Variants in ZBTB8B observed in about 807,000 individuals in gnomAD.
The protein encoded by ZBTB8B is zinc finger and BTB domain containing 8B.
Under a neutral mutation model 30.3 loss-of-function variants are expected in ZBTB8B, and 17 were observed. The ratio of observed to expected loss-of-function variants is 0.56; its 90% CI spans 0.38 to 0.84. ZBTB8B has a LOEUF of 0.84. ZBTB8B is among the 40% of genes least tolerant of loss of function. ZBTB8B has a pLI of 0.00. For missense variants in ZBTB8B, 515 were observed against 644.9 expected, an observed-to-expected ratio of 0.80 and a Z score of 2.18; for synonymous variants, 248 against 255.6, an observed-to-expected ratio of 0.97 and a Z score of 0.28.
Position 32,475,121 on chromosome 1 carries a change from G to A in ZBTB8B, c.991+3506G>A, listed in dbSNP as rs369184005. 6.6e-5 allele frequency among the ~76,000 whole-genome samples: 10 copies of A among 152,190 alleles called. 1 individual carries two copies. The highest frequency in any genetic ancestry group is 6.5e-4 in the Admixed American group (10 of 15,268). ...TACCATGTTTTTATTTCATTCATACGGCTCCAGGGTATAGTTTTTCCAAGT... is the reference window on the plus strand; with the variant it reads ...TACCATGTTTTTATTTCATTCATACAGCTCCAGGGTATAGTTTTTCCAAGT... On this transcript the variant is annotated intron_variant, in intron 2 of 3. Coordinates refer to ENST00000609129, the MANE Select transcript of ZBTB8B (RefSeq NM_001145720.2).
In ZBTB8B at chr1:32,483,246, A is replaced by C. The variant is rs1490232848; in HGVS notation, c.1171-1855A>C. 2.1e-3 allele frequency among the ~76,000 whole-genome samples: 167 copies of C among 80,676 alleles called. 28 individuals are homozygous for C. The highest frequency in any genetic ancestry group is 4.8e-3 in the South Asian group (11 of 2,278). 52.9% of individuals were successfully genotyped at this position (80,676 alleles called of 152,430 possible). The stretch of plus-strand genomic sequence containing the variant: ...AAACCCCTTATCTACTAAAAATCCA[A>C]AAAAAAAAAAAAAAAAAAAAAAAAA... On this transcript the variant is annotated intron_variant, in intron 3 of 3. Coordinates refer to ENST00000609129, the MANE Select transcript of ZBTB8B (RefSeq NM_001145720.2).
In ZBTB8B at chr1:32,493,122, T is replaced by A. The variant is rs1643790379; in HGVS notation, c.*7704T>A. On this transcript the variant is annotated 3_prime_UTR_variant, in exon 4 of 4. Coordinates refer to ENST00000609129, the MANE Select transcript of ZBTB8B (RefSeq NM_001145720.2). Reference sequence around the variant, plus strand: ...TACATAGAATATCAGAATGTTGTAGTCTTTAGGAAATATGCATCAGGTTTG... The same window carrying A: ...TACATAGAATATCAGAATGTTGTAGACTTTAGGAAATATGCATCAGGTTTG... 1 of 152,144 alleles carries A rather than the reference T, an allele frequency of 6.6e-6. No individual in the cohort carries two copies. Among genetic ancestry groups the A allele is most frequent in the Non-Finnish European group, 1.5e-5 (1 of 68,028 alleles). The allele number at this position is 152,144 out of a possible 1,614,324, so 9.4% of individuals were successfully genotyped here.
chr1:32,468,712 T>G (rs1443681271), intron 1 of ZBTB8B, among the ~76,000 whole-genome samples: 1 of 151,996 alleles, frequency 6.6e-6, no homozygotes. Flanking sequence ...ATACAAAAAA[T>G]TAGCTGGGTG....
intron 2 of ZBTB8B, among the ~76,000 whole-genome samples, chr1:32,473,712 G>A (rs1643641164): frequency 6.6e-6 from 1 of 151,882 alleles, no homozygotes; most frequent in African/African-American, 2.4e-5. Context: ...ATAGAGACAA[G>A]GTCTCCCTAT....
At position 32,485,182 on chromosome 1, in the gene ZBTB8B, T is replaced by C; in HGVS notation, c.1252T>C (p.Phe418Leu). The C allele has an allele frequency of 6.4e-7, 1 of 1,552,004 alleles. No individual in the cohort carries two copies. Among genetic ancestry groups the C allele is most frequent in the Non-Finnish European group, 8.7e-7 (1 of 1,147,064 alleles). The change falls in exon 4 of 4, where the codon TTC becomes CTC. Residue 418 changes from phenylalanine (F) to leucine (L), a missense_variant. Phe to Leu is a conservative substitution (Grantham distance 22, BLOSUM62 0). Around this residue, in one of 3 missense-constraint regions of ZBTB8B, gnomAD observed 429 missense variants for 504.3 expected, o/e 0.85. Transcript: ENST00000609129. ...TCACCTGTCCCAGGGGCTGCGGCGC[T>C]TCGGGCTGTGTGACAGCTGCACCTG... ...TSHLSQGLRR[F>L]GLCDSCTCVT... is the part of the protein sequence containing the mutation.
chr1:32,480,106 G>A (rs563280845), intron 2 of ZBTB8B, among the ~76,000 whole-genome samples: 1 of 152,292 alleles, frequency 6.6e-6, no homozygotes, highest in African/African-American at 2.4e-5. Context: ...GTCAGCTCAG[G>A]CTGCCACAAC....
Position 32,485,287 on chromosome 1 carries a change from G to A in ZBTB8B, c.1357G>A (p.Glu453Lys), listed in dbSNP as rs1643736629. ...SLVEASSESQ[E>K]KSDTDNDWPI... ...GGTGGAGGCTTCATCTGAAAGCCAA[G>A]AAAAGAGCGACACAGACAATGACTG... is the stretch of plus-strand genomic sequence containing the variant. The change falls in exon 4 of 4, where the codon GAA becomes AAA. Residue 453 changes from glutamate to lysine, a missense_variant. Coordinates refer to ENST00000609129, the MANE Select transcript of ZBTB8B (RefSeq NM_001145720.2). 3 of 1,552,222 alleles carry A rather than the reference G, an allele frequency of 1.9e-6. No individual in the cohort carries two copies. The highest frequency in any genetic ancestry group is 2.6e-6 in the Non-Finnish European group (3 of 1,147,126).
At position 32,489,505 on chromosome 1, in the gene ZBTB8B, T is replaced by G. The variant is rs1643766190; in HGVS notation, c.*4087T>G. On this transcript the variant is annotated 3_prime_UTR_variant, in exon 4 of 4. Coordinates refer to ENST00000609129, the MANE Select transcript of ZBTB8B (RefSeq NM_001145720.2). Reference sequence around the variant, plus strand: ...ACTATCAGATCATAAATTGGTCCCCTTTAGGTGGTCAGTATTTATAATCAC... The same window carrying G: ...ACTATCAGATCATAAATTGGTCCCCGTTAGGTGGTCAGTATTTATAATCAC... 1 of 152,220 alleles carries G rather than the reference T, an allele frequency of 6.6e-6. No individual in the cohort carries two copies. Among genetic ancestry groups the G allele is most frequent in the Non-Finnish European group, 1.5e-5 (1 of 68,038 alleles). 9.4% of individuals were successfully genotyped at this position (152,220 alleles called of 1,614,324 possible).
At position 32,494,941 on chromosome 1, in the gene ZBTB8B, G is replaced by A. The variant is rs1643806374; in HGVS notation, c.*9523G>A. ...AGCCTCCTGAGTAGCTGGGATTACA[G>A]AGGTATGCCACCATGCCCGGCTAAT... On this transcript the variant is annotated 3_prime_UTR_variant, in exon 4 of 4. Transcript: ENST00000609129. The A allele has an allele frequency of 6.6e-6, 1 of 152,088 alleles. No individual in the cohort carries two copies. Among genetic ancestry groups the A allele is most frequent in the African/African-American group, 2.4e-5 (1 of 41,402 alleles). The allele number at this position is 152,088 out of a possible 1,614,324, so 9.4% of individuals were successfully genotyped here. A position where few individuals can be genotyped will look rare whatever the true frequency, so the allele number is the denominator to read the frequency against.
Position 32,485,521 on chromosome 1 carries a change from T to C in ZBTB8B, c.*103T>C. The C allele has an allele frequency of 2.6e-6, 3 of 1,145,612 alleles. No individual in the cohort carries two copies. In the South Asian group the frequency reaches 4.8e-5, roughly 18 times the overall value. The allele number at this position is 1,145,612 out of a possible 1,614,324, so 71.0% of individuals were successfully genotyped here. On this transcript the variant is annotated 3_prime_UTR_variant, in exon 4 of 4. Coordinates refer to ENST00000609129, the MANE Select transcript of ZBTB8B (RefSeq NM_001145720.2). ...TTTTGTGGAACCCTGAGAGGAACAT[T>C]TTTTCACTGTTATTATATGTGCATT...
At chr1:32,467,560 G>A (rs1441948940) in intron 1 of ZBTB8B, among the ~76,000 whole-genome samples, 1 of 151,978 alleles carries the variant, frequency 6.6e-6, no homozygotes. Flanking sequence ...GGCCCCAAGT[G>A]GATTTTAAAC....
Position 32,495,897 on chromosome 1 carries a change from T to C in ZBTB8B, c.*10479T>C, listed in dbSNP as rs987207156. 1.3e-5 allele frequency: 2 copies of C among 152,172 alleles called. No homozygotes were observed. The highest frequency in any genetic ancestry group is 2.9e-5 in the Non-Finnish European group (2 of 68,044). The allele number at this position is 152,172 out of a possible 1,614,324, so 9.4% of individuals were successfully genotyped here. On this transcript the variant is annotated 3_prime_UTR_variant, in exon 4 of 4. Transcript: ENST00000609129. ...ACCCTGTCTCAAAAAAAAAGGTTTTTTTTTAATTGAATGAATGCAATAAGG... is the reference window on the plus strand; with the variant it reads ...ACCCTGTCTCAAAAAAAAAGGTTTTCTTTTAATTGAATGAATGCAATAAGG...
chr1:32,468,109 C>G (rs1643586975), intron 1 of ZBTB8B, among the ~76,000 whole-genome samples: 1 of 151,864 alleles, frequency 6.6e-6, no homozygotes, highest in Admixed American at 6.6e-5. Context: ...GAGTGAGACC[C>G]CATCCCCCAT....
Position 32,491,114 on chromosome 1 carries a change from G to A in ZBTB8B, c.*5696G>A, listed in dbSNP as rs1643777276. 1 of 152,178 alleles carries A rather than the reference G, an allele frequency of 6.6e-6. No homozygotes were observed. The highest frequency in any genetic ancestry group is 6.5e-5 in the Admixed American group (1 of 15,272). The allele number at this position is 152,178 out of a possible 1,614,324, so 9.4% of individuals were successfully genotyped here. ...TTTGTCAGTTAATCAGTGGAGGTTA[G>A]GGCAGGGATTATGTGCTTTGATGAG... On this transcript the variant is annotated 3_prime_UTR_variant, in exon 4 of 4. Transcript: ENST00000609129.
In ZBTB8B at chr1:32,483,260, A is replaced by C. The variant is rs1360718531; in HGVS notation, c.1171-1841A>C. ...CTAAAAATCCAAAAAAAAAAAAAAA[A>C]AAAAAAAAAAAAAAATTAGCCAGGC... On this transcript the variant is annotated intron_variant, in intron 3 of 3. Transcript: ENST00000609129. 1.7e-3 allele frequency among the ~76,000 whole-genome samples: 255 copies of C among 147,662 alleles called. 4 individuals carry two copies. Among genetic ancestry groups the C allele is most frequent in the African/African-American group, 6.0e-3 (240 of 40,324 alleles).
At chr1:32,478,441 G>A (rs985473846) in intron 2 of ZBTB8B, among the ~76,000 whole-genome samples, 7 of 152,154 alleles carry the variant, frequency 4.6e-5, no homozygotes, top group Admixed American at 2.0e-4. Flanking sequence ...GAACCCAGGA[G>A]GCGGAGGTTG....
rs750281900 is a variant in ZBTB8B at position 32,471,268 on chromosome 1, C to T, written c.644C>T (p.Ser215Leu). Residue 215 changes from serine (S) to leucine (L), a missense_variant, in exon 2 of 4, where the codon TCG becomes TTG. By Grantham distance (145) the Ser-to-Leu change is moderately radical. Coordinates refer to ENST00000609129, the MANE Select transcript of ZBTB8B (RefSeq NM_001145720.2). ...GTGAGAGACAGCCTTGGCGGTGGCT[C>T]GGCTGACAGCAACCTCTCTACTCCA... is the stretch of plus-strand genomic sequence containing the variant. Reference protein sequence around the residue: ...LVVRDSLGGGSADSNLSTPPK... With the variant: ...LVVRDSLGGGLADSNLSTPPK... The T allele has an allele frequency of 7.1e-6, 11 of 1,551,730 alleles. No individual in the cohort carries two copies. In the South Asian group the frequency reaches 7.1e-5, roughly 10 times the overall value.
In ZBTB8B at chr1:32,487,854, A is replaced by G. The variant is rs1222089942; in HGVS notation, c.*2436A>G. On this transcript the variant is annotated 3_prime_UTR_variant, in exon 4 of 4. Coordinates refer to ENST00000609129, the MANE Select transcript of ZBTB8B (RefSeq NM_001145720.2). ...CCTTGTCTCAAAAAAATAATAATAA[A>G]ATAAATAAATAAAAGAAAAATATTC... The G allele has an allele frequency of 1.3e-5, 2 of 152,160 alleles. No individual in the cohort carries two copies. The highest frequency in any genetic ancestry group is 1.9e-4 in the East Asian group (1 of 5,168). 9.4% of individuals were successfully genotyped at this position (152,160 alleles called of 1,614,324 possible). A position where few individuals can be genotyped will look rare whatever the true frequency, so the allele number is the denominator to read the frequency against.
rs1241995128 is a variant in ZBTB8B, at chr1:32,494,714, T to C, written c.*9296T>C. On this transcript the variant is annotated 3_prime_UTR_variant, in exon 4 of 4. Transcript: ENST00000609129. ...ATGTGTTCTGTGTTTGATTGTAATG[T>C]ATTCATTTTACTTATAAAAAATTTC... 6.6e-6 allele frequency: 1 copy of C among 152,254 alleles called. No homozygotes were observed. Among genetic ancestry groups the C allele is most frequent in the Non-Finnish European group, 1.5e-5 (1 of 68,044 alleles). 9.4% of individuals were successfully genotyped at this position (152,254 alleles called of 1,614,324 possible).
Sources: gnomAD v4.1 joint callset for allele counts (sites outside exome capture counted in the v4.1 genomes callset) on GRCh38, gnomAD v4.1.1 for gene constraint, gnomAD v4.1.1 regional missense constraint, MANE v1.5 for transcripts, NCBI Gene and HGNC (gene_info 2026-07-23, HGNC 2026-07-21) for gene names.